Variants in DMD observed in about 807,000 individuals in gnomAD.
DMD encodes the protein dystrophin.
DMD carries 63 observed loss-of-function variants against 330.1 expected under a neutral mutation model. The observed-to-expected ratio is 0.19, with a 90% CI of 0.16 to 0.24. The LOEUF is 0.24. DMD is among the 10% of genes least tolerant of loss of function. The pLI, the probability that DMD is intolerant of heterozygous loss-of-function variation, is 1.00. For missense variants in DMD, 3,344 were observed against 2,684.1 expected (o/e 1.25, Z -5.43); for synonymous variants, 1,223 against 959.8 (o/e 1.27, Z -5.07).
intron 2 of DMD, among the ~76,000 whole-genome samples, chrX:32,925,719 C>T (rs2088948756): frequency 8.9e-6 from 1 of 111,966 alleles, no homozygotes; most frequent in South Asian, 3.7e-4. Context: ...TTAATCACCA[C>T]ATGTCTACAT....
chrX:32,952,603 T>C (rs1175945001), intron 2 of DMD, among the ~76,000 whole-genome samples: 1 of 111,882 alleles, frequency 8.9e-6, no homozygotes, highest in African/African-American at 3.3e-5. Context: ...TCATGTTCCA[T>C]ATATTAGAAA....
intron 2 of DMD, among the ~76,000 whole-genome samples, chrX:32,892,417 G>T (rs2085299231): frequency 8.9e-6 from 1 of 112,162 alleles, no homozygotes; most frequent in South Asian, 3.7e-4. Context: ...CTTTGAGACA[G>T]AGTTCTACTC....
At chrX:31,467,589 G>C (rs914987509) in intron 59 of DMD, among the ~76,000 whole-genome samples, 14 of 111,552 alleles carry the variant, frequency 1.3e-4, no homozygotes, top group Admixed American at 2.8e-4. Flanking sequence ...GAGGATTTTC[G>C]CATTGATGTT....
chrX:32,599,721 A>G (rs765819714), intron 12 of DMD, among the ~76,000 whole-genome samples: 2 of 111,628 alleles, frequency 1.8e-5, no homozygotes, highest in East Asian at 2.8e-4. Context: ...TCCAGATTGT[A>G]CATACACATA....
intron 44 of DMD, among the ~76,000 whole-genome samples, chrX:32,160,552 T>C (rs2096845955): frequency 9.1e-6 from 1 of 110,216 alleles, no homozygotes; most frequent in East Asian, 2.9e-4. Context: ...AAACTTTCAT[T>C]TGACTTTTCC....
chrX:31,122,447 C>A (rs2032823204), intron 78 of DMD, among the ~76,000 whole-genome samples: 1 of 111,300 alleles, frequency 9.0e-6, no homozygotes, highest in Non-Finnish European at 1.9e-5. Flanking sequence ...TTATCACTGC[C>A]ACCATCACCG....
chrX:33,024,553 G>A (rs1161927114), intron 1 of DMD, among the ~76,000 whole-genome samples: 1 of 111,995 alleles, frequency 8.9e-6, no homozygotes, highest in Non-Finnish European at 1.9e-5. Flanking sequence ...TTTCCTCTCA[G>A]TAATCTTTAA....
intron 60 of DMD, among the ~76,000 whole-genome samples, chrX:31,362,666 C>T (rs1398452684): frequency 2.7e-5 from 3 of 113,106 alleles, no homozygotes; most frequent in Admixed American, 1.9e-4. Flanking sequence ...AGAGTAAGGC[C>T]GGGTGCGGTG....
At chrX:32,702,774 A>C (rs1161606026) in intron 7 of DMD, among the ~76,000 whole-genome samples, 1 of 111,463 alleles carries the variant, frequency 9.0e-6, no homozygotes, top group Non-Finnish European at 1.9e-5. Context: ...AAAAATTCTA[A>C]GATGGATCAA....
intron 55 of DMD, among the ~76,000 whole-genome samples, chrX:31,513,752 C>T (rs1213963135): frequency 9.0e-6 from 1 of 111,616 alleles, no homozygotes; most frequent in Admixed American, 9.5e-5. Flanking sequence ...CAACAACATA[C>T]ATGAACCTTA....
chrX:31,613,425 G>A (rs773138694), intron 55 of DMD, among the ~76,000 whole-genome samples: 3 of 111,548 alleles, frequency 2.7e-5, no homozygotes, highest in South Asian at 7.6e-4. Context: ...CTATTTTCCA[G>A]GCATGTGAGT....
At chrX:31,227,285 A>C (rs182262590) in intron 63 of DMD, among the ~76,000 whole-genome samples, 147 of 111,573 alleles carry the variant, frequency 1.3e-3, no homozygotes, top group African/African-American at 4.4e-3. Context: ...CAAGTGGGAG[A>C]GGCAAGAATG....
intron 1 of DMD, among the ~76,000 whole-genome samples, chrX:33,022,459 C>T (rs1005228389): frequency 9.0e-6 from 1 of 110,579 alleles, no homozygotes; most frequent in Non-Finnish European, 1.9e-5. Context: ...TCCTCTCTCA[C>T]CTCTACGTCT....
chrX:32,784,565 T>C (rs1321501157), intron 7 of DMD, among the ~76,000 whole-genome samples: 2 of 111,928 alleles, frequency 1.8e-5, no homozygotes, highest in Non-Finnish European at 3.8e-5. Context: ...GTGGACTTTA[T>C]CACTTAAGAA....
chrX:32,527,944 G>A (rs2047073413), intron 17 of DMD, among the ~76,000 whole-genome samples: 1 of 111,828 alleles, frequency 8.9e-6, no homozygotes, highest in African/African-American at 3.3e-5. Context: ...TTTGTAATAT[G>A]TGTGATACGT....
intron 1 of DMD, among the ~76,000 whole-genome samples, chrX:33,219,306 TTGTGTGTGTGTGTGTGTGTGTGTG>T (rs56332488): frequency 2.7e-3 from 199 of 72,986 alleles, no homozygotes; most frequent in African/African-American, 8.0e-3. Context: ...TTAGAGATTA[TTGTGTGTGTGTGTGTGTGTGTGTG>T]TGTGTGTGTG....
At chrX:32,825,982 T>C (rs777302350) in intron 4 of DMD, among the ~76,000 whole-genome samples, 2 of 110,423 alleles carry the variant, frequency 1.8e-5, no homozygotes, top group Non-Finnish European at 3.8e-5. Context: ...GCCACTGAAT[T>C]ATACACTAAA....
At chrX:31,762,007 A>C (rs1307300102) in intron 51 of DMD, among the ~76,000 whole-genome samples, 1 of 112,299 alleles carries the variant, frequency 8.9e-6, no homozygotes, top group Non-Finnish European at 1.9e-5. Context: ...CACATTTTGA[A>C]TTATGAAGAA....
At chrX:31,302,484 A>C (rs2054726184) in intron 62 of DMD, among the ~76,000 whole-genome samples, 1 of 111,427 alleles carries the variant, frequency 9.0e-6, no homozygotes, top group Non-Finnish European at 1.9e-5. Flanking sequence ...ATTTCAGTAT[A>C]GAGCTGGAAA....
Sources: gnomAD v4.1 joint callset for allele counts (sites outside exome capture counted in the v4.1 genomes callset) on GRCh38, gnomAD v4.1.1 for gene constraint, MANE v1.5 for transcripts, NCBI Gene and HGNC (gene_info 2026-07-23, HGNC 2026-07-21) for gene names.